TSPAN9: variants seen among roughly 807,000 people sequenced by gnomAD.
The protein encoded by TSPAN9 is tetraspanin-9.
TSPAN9 carries 16 observed loss-of-function variants against 31.0 expected under a neutral mutation model. The ratio of observed to expected loss-of-function variants is 0.52; its 90% confidence interval spans 0.35 to 0.78. The LOEUF (loss-of-function observed/expected upper bound fraction) is 0.78. Ranked by LOEUF, TSPAN9 falls within the 30% of genes least tolerant of loss-of-function variation. TSPAN9 has a pLI of 0.01. For synonymous variants in TSPAN9, 145 were observed against 121.6 expected (o/e 1.19, Z -1.27); for missense variants, 272 against 312.5 (o/e 0.87, Z 0.98).
intron 2 of TSPAN9, among the ~76,000 whole-genome samples, chr12:3,198,695 C>CCACCAGCACAGGTCA (rs1565610538): frequency 1.8e-3 from 121 of 65,888 alleles, no homozygotes; most frequent in Non-Finnish European, 2.5e-3. Flanking sequence ...GCACAGGTCA[C>CCACCAGCACAGGTCA]CACCAGCACA....
Position 3,117,986 on chromosome 12 carries a change from AG to A in TSPAN9, c.-18+34270del, listed in dbSNP as rs1308535862. ...AGGCATGTGTGGTAAGAGGCAGTGC[AG>A]GGAGGTGGTTAGTGCCCCATGCCAG... On this transcript the variant is annotated intron_variant, in intron 2 of 8. Coordinates refer to ENST00000011898, the MANE Select transcript of TSPAN9 (RefSeq NM_006675.5). Among the ~76,000 whole-genome samples the A allele has an allele frequency of 7.2e-5, 11 of 152,214 alleles. No homozygotes were observed. The East Asian group carries it at 2.1e-3, about 29-fold the overall frequency.
intron 3 of TSPAN9, among the ~76,000 whole-genome samples, chr12:3,205,726 C>CCG (rs1555151747): frequency 6.0e-4 from 90 of 151,038 alleles, no homozygotes; most frequent in Admixed American, 3.9e-3. Context: ...AGGCCCCCCC[C>CCG]CCCCAGAGTG....
intron 2 of TSPAN9, among the ~76,000 whole-genome samples, chr12:3,175,077 A>G (rs1329507858): frequency 6.6e-6 from 1 of 152,134 alleles, no homozygotes; most frequent in Non-Finnish European, 1.5e-5. Flanking sequence ...TGTTGCGGAC[A>G]CAACCCTGAG....
intron 1 of TSPAN9, 108 bp downstream of exon 1, chr12:3,077,561 G>C (rs890233294): frequency 6.6e-6 from 1 of 151,940 alleles, no homozygotes; most frequent in African/African-American, 2.4e-5. Context: ...GCCGAGACCC[G>C]AGAAGGGGGA....
intron 2 of TSPAN9, among the ~76,000 whole-genome samples, chr12:3,088,923 G>C (rs532088817): frequency 7.2e-5 from 11 of 152,144 alleles, no homozygotes; most frequent in Middle Eastern, 3.4e-3. Context: ...TTGAACAGTG[G>C]AATGACAGGA....
chr12:3,106,910 C>G (rs2098314990), intron 2 of TSPAN9, among the ~76,000 whole-genome samples: 1 of 152,182 alleles, frequency 6.6e-6, no homozygotes, highest in Admixed American at 6.5e-5. Context: ...TCAGCAAAAC[C>G]AAGACCTTGG....
Position 3,284,655 on chromosome 12 carries a change from A to G in TSPAN9, c.*1539A>G, listed in dbSNP as rs1862977734. ...CAGCTGCAGCAGGGCGCCCCCTCCA[A>G]ACTGCAGCTGGTCTGGCTTACTGTT... is the stretch of plus-strand genomic sequence containing the variant. On this transcript the variant is annotated 3_prime_UTR_variant, in exon 9 of 9. Transcript: ENST00000011898. The G allele has an allele frequency of 1.3e-5, 2 of 152,478 alleles. No homozygotes were observed. The highest frequency in any genetic ancestry group is 2.4e-5 in the African/African-American group (1 of 41,456). The allele number at this position is 152,478 out of a possible 1,614,324, so 9.4% of individuals were successfully genotyped here.
chr12:3,078,852 A>T (rs1422698525), intron 1 of TSPAN9, among the ~76,000 whole-genome samples: 1 of 152,004 alleles, frequency 6.6e-6, no homozygotes, highest in Non-Finnish European at 1.5e-5. Context: ...CTATGAACAG[A>T]TATTTAATAT....
chr12:3,122,496 G>C (rs1019204250), intron 2 of TSPAN9, among the ~76,000 whole-genome samples: 3 of 151,878 alleles, frequency 2.0e-5, no homozygotes, highest in Non-Finnish European at 4.4e-5. Context: ...TCTCAAACTG[G>C]TCTCCTTCTG....
chr12:3,139,304 G>A (rs139257962), intron 2 of TSPAN9, among the ~76,000 whole-genome samples: 122 of 152,288 alleles, frequency 8.0e-4, no homozygotes, highest in African/African-American at 2.7e-3. Flanking sequence ...TTTTCAGCAG[G>A]TGGCTGAGTA....
chr12:3,081,840 G>GTATATATATATA (rs1279686443), intron 1 of TSPAN9, among the ~76,000 whole-genome samples: 542 of 30,090 alleles, frequency 0.018, 2 homozygotes, highest in African/African-American at 0.09. Context: ...GTGTGTCTGT[G>GTATATATATATA]TGTGTATATA....
intron 3 of TSPAN9, among the ~76,000 whole-genome samples, chr12:3,248,281 C>G (rs1014673174): frequency 6.6e-6 from 1 of 152,150 alleles, no homozygotes; most frequent in South Asian, 2.1e-4. Context: ...CTTTTCTGAA[C>G]AGATTGGAGG....
chr12:3,201,362 C>G, intron 3 of TSPAN9, 106 bp downstream of exon 3: 5 of 1,155,912 alleles, frequency 4.3e-6, no homozygotes, highest in Non-Finnish European at 6.4e-6. Flanking sequence ...CTGCTCTCTG[C>G]ACAGTGGTAA....
At chr12:3,084,999 C>CT (rs924967973) in intron 2 of TSPAN9, among the ~76,000 whole-genome samples, 14 of 152,314 alleles carry the variant, frequency 9.2e-5, no homozygotes, top group African/African-American at 3.1e-4. Context: ...ATTCTTGCAG[C>CT]TCTGGGATTT....
At chr12:3,240,603 T>C (rs3825354) in intron 3 of TSPAN9, among the ~76,000 whole-genome samples, 15,915 of 152,222 alleles carry the variant, frequency 0.1, 911 homozygotes, top group Middle Eastern at 0.15. Flanking sequence ...TCTGTCGCTA[T>C]ACTACCTCTG....
At chr12:3,156,104 C>T (rs1288817680) in intron 2 of TSPAN9, among the ~76,000 whole-genome samples, 1 of 152,180 alleles carries the variant, frequency 6.6e-6, no homozygotes, top group Non-Finnish European at 1.5e-5. Flanking sequence ...AATGTCAGCT[C>T]CAGTTTTCCT....
Position 3,283,108 on chromosome 12 carries a change from G to C in TSPAN9, c.712G>C (p.Asp238His). Residue 238 changes from aspartate (D) to histidine (H), a missense_variant, in exon 9 of 9, where the codon GAC becomes CAC. Physicochemically the swap from Asp to His is moderately conservative, Grantham distance 81. Transcript: ENST00000011898. ...QHIHRTGKKY[D>H]A ...CATCCACCGGACTGGTAAGAAGTAC[G>C]ACGCATGAGCGGGCTGGCCGGGAGT... 5.0e-6 allele frequency: 8 copies of C among 1,608,820 alleles called. No homozygotes were observed. Among genetic ancestry groups the C allele is most frequent in the Admixed American group, 1.7e-5 (1 of 60,016 alleles).
chr12:3,099,919 G>A (rs2098311018), intron 2 of TSPAN9, among the ~76,000 whole-genome samples: 2 of 146,120 alleles, frequency 1.4e-5, no homozygotes, highest in Non-Finnish European at 3.0e-5. Flanking sequence ...TCAGCTCACT[G>A]CAAGCTCTGC....
chr12:3,119,805 T>C (rs1300838959), intron 2 of TSPAN9, among the ~76,000 whole-genome samples: 1 of 152,130 alleles, frequency 6.6e-6, no homozygotes, highest in Non-Finnish European at 1.5e-5. Flanking sequence ...AGGTGTTGGC[T>C]CTTCCCAGGT....
Sources: gnomAD v4.1 joint callset for allele counts (sites outside exome capture counted in the v4.1 genomes callset) on GRCh38, gnomAD v4.1.1 for gene constraint, MANE v1.5 for transcripts, NCBI Gene and HGNC (gene_info 2026-07-23, HGNC 2026-07-21) for gene names.